Variants in RALGAPB observed in about 807,000 individuals in gnomAD.
RALGAPB encodes ral GTPase-activating protein subunit beta.
In RALGAPB, 25 loss-of-function variants were observed where a neutral mutation model predicts 161.1. The ratio of observed to expected loss-of-function variants is 0.16; its 90% CI spans 0.11 to 0.22. The LOEUF (loss-of-function observed/expected upper bound fraction) is 0.22. Ranked by LOEUF, RALGAPB falls within the 10% of genes least tolerant of loss-of-function variation. RALGAPB has a pLI of 1.00. For synonymous variants in RALGAPB, 629 were observed against 626.1 expected (o/e 1.00, Z -0.07); for missense variants, 1,391 against 1,815.2 (o/e 0.77, Z 4.25).
Position 38,517,575 on chromosome 20 carries a change from C to G in RALGAPB, c.1121C>G (p.Ala374Gly), listed in dbSNP as rs2086167243. ...PVNRLSMPQSAAVSTTPPHNR... is the reference protein window; with the variant it reads ...PVNRLSMPQSGAVSTTPPHNR... ...AATAGATTAAGTATGCCTCAAAGTG[C>G]TGCTGTCAGTACCACCCCCCCACAT... Residue 374 changes from alanine (A) to glycine (G), a missense_variant, in exon 8 of 30, where the codon GCT becomes GGT. By Grantham distance (60) the Ala-to-Gly change is moderately conservative. Coordinates refer to ENST00000262879, the MANE Select transcript of RALGAPB (RefSeq NM_020336.4). 1 of 1,613,602 alleles carries G rather than the reference C, an allele frequency of 6.2e-7. No individual in the cohort carries two copies. Among genetic ancestry groups the G allele is most frequent in the Non-Finnish European group, 8.5e-7 (1 of 1,179,850 alleles).
chr20:38,562,522 T>C lies in RALGAPB; in HGVS notation c.3532-10T>C. The C allele has an allele frequency of 6.3e-7, 1 of 1,577,468 alleles. No individual in the cohort carries two copies. Among genetic ancestry groups the C allele is most frequent in the Non-Finnish European group, 8.6e-7 (1 of 1,158,624 alleles). On this transcript the variant is annotated splice_polypyrimidine_tract_variant and intron_variant, in intron 23 of 29. Transcript: ENST00000262879. ...CCTTCATTATAGCTGATGATTGGTA[T>C]GTATTTCAGATTTTAAAGAATGTGG...
intron 6 of RALGAPB, among the ~76,000 whole-genome samples, chr20:38,511,624 T>A (rs1568927787): frequency 6.6e-6 from 1 of 152,196 alleles, no homozygotes; most frequent in Non-Finnish European, 1.5e-5. Context: ...ACACAGCACA[T>A]GTTTTAGAGA....
intron 16 of RALGAPB, among the ~76,000 whole-genome samples, chr20:38,536,339 TTGTG>T (rs564712807): frequency 1.4e-4 from 22 of 152,350 alleles, no homozygotes; most frequent in African/African-American, 4.8e-4. Context: ...TAATATTTCA[TTGTG>T]TGTATATACC....
intron 13 of RALGAPB, among the ~76,000 whole-genome samples, chr20:38,528,343 ATTTTTATT>A (rs889366294): frequency 6.2e-5 from 9 of 145,056 alleles, no homozygotes; most frequent in African/African-American, 2.4e-4. Flanking sequence ...CATTCATTTT[ATTTTTATT>A]TATTTATTTA....
intron 13 of RALGAPB, among the ~76,000 whole-genome samples, chr20:38,526,995 G>C (rs1299072710): frequency 6.6e-6 from 1 of 152,114 alleles, no homozygotes; most frequent in East Asian, 1.9e-4. Context: ...AGGAAAGTAG[G>C]GCTTTCCTCA....
At chr20:38,557,406 G>A (rs563830485) in intron 22 of RALGAPB, among the ~76,000 whole-genome samples, 1 of 152,254 alleles carries the variant, frequency 6.6e-6, no homozygotes, top group South Asian at 2.1e-4. Flanking sequence ...ACTCTGTGCT[G>A]TACAGGTCTC....
chr20:38,555,273 C>A (rs1424114650), intron 22 of RALGAPB, among the ~76,000 whole-genome samples: 1 of 152,122 alleles, frequency 6.6e-6, no homozygotes, highest in African/African-American at 2.4e-5. Flanking sequence ...TGTCCCTTGC[C>A]CTTACTGCCT....
At chr20:38,531,346 T>C in intron 14 of RALGAPB, 115 bp downstream of exon 14, 1 of 851,548 alleles carries the variant, frequency 1.2e-6, no homozygotes, top group Non-Finnish European at 1.9e-6. Context: ...TAAATCCTGC[T>C]CATTGGCTCA....
chr20:38,527,280 C>A (rs1267444659), intron 13 of RALGAPB, among the ~76,000 whole-genome samples: 2 of 152,132 alleles, frequency 1.3e-5, no homozygotes, highest in African/African-American at 2.4e-5. Flanking sequence ...GTATGTCCTT[C>A]CAACAGGAAC....
chr20:38,509,816 T>C (rs1002983780), intron 6 of RALGAPB, among the ~76,000 whole-genome samples: 2 of 152,216 alleles, frequency 1.3e-5, no homozygotes, highest in African/African-American at 4.8e-5. Flanking sequence ...ATATCTTCTC[T>C]TTCTGGTTTA....
intron 9 of RALGAPB, among the ~76,000 whole-genome samples, chr20:38,518,358 T>A (rs974064128): frequency 1.3e-5 from 2 of 152,202 alleles, no homozygotes; most frequent in Admixed American, 6.5e-5. Context: ...AACTGGAAAT[T>A]TACAAGAAGT....
In RALGAPB at chr20:38,562,671, G is replaced by A; in HGVS notation, c.3671G>A (p.Cys1224Tyr). Reference sequence around the variant, plus strand: ...TCTACCAGTTGGTCTATTAATTGTTGTGATGATGGTGAAGGATCTCAACAA... The same window carrying A: ...TCTACCAGTTGGTCTATTAATTGTTATGATGATGGTGAAGGATCTCAACAA... Reference protein sequence around the residue: ...HVSTSWSINCCDDGEGSQQEV... With the variant: ...HVSTSWSINCYDDGEGSQQEV... Residue 1224 changes from cysteine to tyrosine, a missense_variant, in exon 24 of 30, where the codon TGT (cysteine) becomes TAT (tyrosine). Cys to Tyr is a radical substitution (Grantham distance 194). Around this residue, in one of 3 missense-constraint regions of RALGAPB, gnomAD observed 436 missense variants for 527.0 expected, o/e 0.83. Coordinates refer to ENST00000262879, the MANE Select transcript of RALGAPB (RefSeq NM_020336.4). 6.2e-7 allele frequency: 1 copy of A among 1,611,856 alleles called. No individual in the cohort carries two copies. The highest frequency in any genetic ancestry group is 8.5e-7 in the Non-Finnish European group (1 of 1,179,272).
At chr20:38,523,651 A>G (rs1355215432) in intron 10 of RALGAPB, among the ~76,000 whole-genome samples, 2 of 152,196 alleles carry the variant, frequency 1.3e-5, no homozygotes, top group Non-Finnish European at 2.9e-5. Context: ...GCTTTTGGGT[A>G]ATAGATCTGG....
At chr20:38,473,567 A>G (rs559257961) in intron 1 of RALGAPB, among the ~76,000 whole-genome samples, 1 of 152,246 alleles carries the variant, frequency 6.6e-6, no homozygotes, top group East Asian at 1.9e-4. Context: ...GTCTAACTTC[A>G]CAGCAACCCT....
intron 14 of RALGAPB, among the ~76,000 whole-genome samples, chr20:38,532,308 C>T (rs150278623): frequency 1.6e-3 from 244 of 152,302 alleles, no homozygotes; most frequent in African/African-American, 5.4e-3. Context: ...CCGCCTGCCT[C>T]GGCCTCCCAA....
chr20:38,475,221 C>G (rs757245697), intron 1 of RALGAPB, among the ~76,000 whole-genome samples: 1 of 152,170 alleles, frequency 6.6e-6, no homozygotes, highest in Non-Finnish European at 1.5e-5. Flanking sequence ...ATGCCACTGC[C>G]TTGTTGGTAT....
chr20:38,567,103 A>G lies in RALGAPB; in HGVS notation c.3825A>G (p.Ser1275=). The G allele has an allele frequency of 5.0e-6, 8 of 1,613,120 alleles. 1 individual carries two copies. The highest frequency in any genetic ancestry group is 2.2e-5 in the South Asian group (2 of 90,930). The part of the protein sequence containing the change: ...VPSPVESLTD[S]LESNISDQDS... ...TTTTCCTTTACCCCATAGCTGATTC[A>G]TTGGAAAGTAACATCTCGGACCAAG... Residue 1275 remains serine (S), a synonymous_variant, in exon 26 of 30, where the codon TCA becomes TCG. Transcript: ENST00000262879.
At chr20:38,544,401 A>T (rs2087084545) in intron 18 of RALGAPB, among the ~76,000 whole-genome samples, 1 of 149,578 alleles carries the variant, frequency 6.7e-6, no homozygotes, top group Non-Finnish European at 1.5e-5. Context: ...CATCCTGGTT[A>T]TTCTCAACTG....
intron 6 of RALGAPB, among the ~76,000 whole-genome samples, chr20:38,511,095 A>C (rs1173446270): frequency 6.6e-6 from 1 of 152,090 alleles, no homozygotes; most frequent in Non-Finnish European, 1.5e-5. Context: ...AGAGCAAGGA[A>C]AATTTTGTGG....
Sources: gnomAD v4.1 joint callset for allele counts (sites outside exome capture counted in the v4.1 genomes callset) on GRCh38, gnomAD v4.1.1 for gene constraint, gnomAD v4.1.1 regional missense constraint, MANE v1.5 for transcripts, NCBI Gene and HGNC (gene_info 2026-07-23, HGNC 2026-07-21) for gene names.